GRB10: variants seen among roughly 807,000 people sequenced by gnomAD.
GRB10 encodes growth factor receptor-bound protein 10.
In GRB10, 20 loss-of-function variants were observed where a neutral mutation model predicts 80.9. The ratio of observed to expected loss-of-function variants is 0.25; its 90% CI spans 0.17 to 0.36. The LOEUF (loss-of-function observed/expected upper bound fraction) is 0.36. Among genes scored for constraint, GRB10 ranks in the 10% least tolerant of loss-of-function variants. The probability of loss-of-function intolerance (pLI) is 1.00; values close to 1 mark genes in which losing one functional copy is unlikely to be tolerated. For missense variants in GRB10, 548 were observed against 747.7 expected (o/e 0.73, Z 3.12); for synonymous variants, 291 against 291.5 (o/e 1.00, Z 0.02).
At chr7:50,695,252 G>A (rs999484902) in intron 5 of GRB10, among the ~76,000 whole-genome samples, 2 of 152,160 alleles carry the variant, frequency 1.3e-5, no homozygotes, top group African/African-American at 4.8e-5. Flanking sequence ...AACTAGTGGT[G>A]CCACAAATTG....
chr7:50,627,799 G>A (rs2053219690), intron 7 of GRB10, among the ~76,000 whole-genome samples: 1 of 152,230 alleles, frequency 6.6e-6, no homozygotes. Flanking sequence ...GGAGCAAGAT[G>A]GCATTTTAAA....
At chr7:50,688,905 G>C (rs1314815984) in intron 5 of GRB10, among the ~76,000 whole-genome samples, 1 of 152,110 alleles carries the variant, frequency 6.6e-6, no homozygotes, top group East Asian at 1.9e-4. Context: ...ACCAGAAGTA[G>C]GGGTGGAGGT....
chr7:50,769,900 T>C (rs1057021202), intron 2 of GRB10, among the ~76,000 whole-genome samples: 1 of 152,192 alleles, frequency 6.6e-6, no homozygotes, highest in South Asian at 2.1e-4. Flanking sequence ...GACGTTGGTA[T>C]CACAGTTTCT....
rs1167879769 is a variant in GRB10, at chr7:50,590,461, C to T, written c.*2491G>A. The T allele has an allele frequency of 6.6e-6, 1 of 152,420 alleles. No individual in the cohort carries two copies. The highest frequency in any genetic ancestry group is 1.5e-5 in the Non-Finnish European group (1 of 68,046). The allele number at this position is 152,420 out of a possible 1,614,324, so 9.4% of individuals were successfully genotyped here. ...AAAAGAACATTCTGGAACTCTAACA[C>T]CTAGTGTAACAGAGCTTACCTATTA... On this transcript the variant is annotated 3_prime_UTR_variant, in exon 19 of 19. Coordinates refer to ENST00000401949, the MANE Select transcript of GRB10 (RefSeq NM_001350814.2).
Position 50,667,307 on chromosome 7 carries a change from A to G in GRB10, c.504+2415T>C, listed in dbSNP as rs1382349189. Among the ~76,000 whole-genome samples, 5 of 152,086 alleles carry G rather than the reference A, an allele frequency of 3.3e-5. No individual in the cohort carries two copies. In the East Asian group the frequency reaches 7.7e-4, roughly 23 times the overall value. ...TTTCGTTATGCTTTCTTCTTTTCCT[A>G]CGTTAACTGAGTTCTTCCCTGTGAG... On this transcript the variant is annotated intron_variant, in intron 7 of 18. Coordinates refer to ENST00000401949, the MANE Select transcript of GRB10 (RefSeq NM_001350814.2).
intron 17 of GRB10, among the ~76,000 whole-genome samples, chr7:50,603,144 G>A (rs890700169): frequency 3.9e-5 from 6 of 152,198 alleles, no homozygotes; most frequent in East Asian, 1.9e-4. Flanking sequence ...TTCAGACCCC[G>A]TATGGGACAG....
At chr7:50,707,444 T>A (rs1191426918) in intron 4 of GRB10, among the ~76,000 whole-genome samples, 1 of 152,208 alleles carries the variant, frequency 6.6e-6, no homozygotes, top group Non-Finnish European at 1.5e-5. Context: ...GGGCCGGCAA[T>A]CCTACATTTT....
intron 7 of GRB10, among the ~76,000 whole-genome samples, chr7:50,663,928 C>T (rs1243416095): frequency 2.6e-5 from 4 of 152,126 alleles, no homozygotes; most frequent in Non-Finnish European, 5.9e-5. Context: ...TCTGCTTCAG[C>T]CCACACAGTG....
intron 7 of GRB10, among the ~76,000 whole-genome samples, chr7:50,655,975 G>A (rs2058604297): frequency 6.6e-6 from 1 of 152,208 alleles, no homozygotes; most frequent in South Asian, 2.1e-4. Flanking sequence ...GCCTCTATAA[G>A]GTGATTAGCA....
At chr7:50,710,974 C>A in intron 4 of GRB10, 1 of 1,417,548 alleles carries the variant, frequency 7.1e-7, no homozygotes, top group Non-Finnish European at 1.0e-6. Context: ...CTGCCCTGTG[C>A]ACAATATTTT....
At chr7:50,739,822 C>T (rs559599926) in intron 3 of GRB10, among the ~76,000 whole-genome samples, 9 of 152,284 alleles carry the variant, frequency 5.9e-5, no homozygotes, top group African/African-American at 2.2e-4. Context: ...GAGAGGCTGG[C>T]CCACTGGCCT....
At chr7:50,735,802 G>T (rs1325338094) in intron 3 of GRB10, among the ~76,000 whole-genome samples, 1 of 151,954 alleles carries the variant, frequency 6.6e-6, no homozygotes, top group East Asian at 1.9e-4. Context: ...TGAAAAAGAC[G>T]TTTATATAAT....
chr7:50,678,458 T>C lies in GRB10; in HGVS notation c.140-3800A>G, dbSNP rs141915849. Among the ~76,000 whole-genome samples the C allele has an allele frequency of 4.6e-3, 701 of 152,272 alleles. 2 individuals carry two copies. The highest frequency in any genetic ancestry group is 7.4e-3 in the Non-Finnish European group (503 of 68,028). Reference sequence around the variant, plus strand: ...GAGCCATTACAGCAAAAATAAAACTTTTTAGAAATTTTAAATGCCATACTT... The same window carrying C: ...GAGCCATTACAGCAAAAATAAAACTCTTTAGAAATTTTAAATGCCATACTT... On this transcript the variant is annotated intron_variant, in intron 5 of 18. Coordinates refer to ENST00000401949, the MANE Select transcript of GRB10 (RefSeq NM_001350814.2).
At chr7:50,660,227 C>T (rs1481802338) in intron 7 of GRB10, among the ~76,000 whole-genome samples, 3 of 151,950 alleles carry the variant, frequency 2.0e-5, no homozygotes, top group Admixed American at 1.3e-4. Flanking sequence ...GGGGAAGTGG[C>T]AGGGAGGCGC....
rs546579326 is a variant in GRB10, at chr7:50,687,035, T to C, written c.140-12377A>G. Among the ~76,000 whole-genome samples, 346 of 152,316 alleles carry C rather than the reference T, an allele frequency of 2.3e-3. 1 individual carries two copies. The highest frequency in any genetic ancestry group is 0.01 in the Middle Eastern group (3 of 294). ...AGTCTGGCACACAGCAGGTGCTCAGTACACGTTAGTTGAGTAGGTGGGAAA... is the reference window on the plus strand; with the variant it reads ...AGTCTGGCACACAGCAGGTGCTCAGCACACGTTAGTTGAGTAGGTGGGAAA... On this transcript the variant is annotated intron_variant, in intron 5 of 18. Transcript: ENST00000401949.
At chr7:50,741,298 T>G (rs2071688505) in intron 3 of GRB10, among the ~76,000 whole-genome samples, 1 of 152,074 alleles carries the variant, frequency 6.6e-6, no homozygotes, top group Non-Finnish European at 1.5e-5. Flanking sequence ...TATAAACATT[T>G]GCAAAATTAT....
intron 1 of GRB10, chr7:50,792,615 C>A (rs1054669742): frequency 7.5e-6 from 3 of 397,642 alleles, no homozygotes; most frequent in African/African-American, 4.1e-5. Flanking sequence ...TGGTGTTAGG[C>A]CCCAGCGGCG....
chr7:50,642,430 T>C (rs924718531), intron 7 of GRB10, among the ~76,000 whole-genome samples: 2 of 151,972 alleles, frequency 1.3e-5, no homozygotes, highest in African/African-American at 2.4e-5. Flanking sequence ...CACAAACACA[T>C]ACACACATGC....
chr7:50,713,106 A>C (rs2066145860), intron 4 of GRB10, among the ~76,000 whole-genome samples: 1 of 152,216 alleles, frequency 6.6e-6, no homozygotes, highest in African/African-American at 2.4e-5. Flanking sequence ...CTAGCTCTAG[A>C]ATTTCTACAG....
Sources: gnomAD v4.1 joint callset for allele counts (sites outside exome capture counted in the v4.1 genomes callset) on GRCh38, gnomAD v4.1.1 for gene constraint, MANE v1.5 for transcripts, NCBI Gene and HGNC (gene_info 2026-07-23, HGNC 2026-07-21) for gene names.